The following ATP2A3 variants were observed in gnomAD, a reference collection of about 807,000 sequenced individuals.
ATP2A3 encodes the protein ATPase sarcoplasmic/endoplasmic reticulum Ca2+ transporting 3, also known as sarcoplasmic/endoplasmic reticulum calcium ATPase 3.
A neutral mutation model predicts 106.8 loss-of-function variants in ATP2A3; 61 were observed. The ratio of observed to expected loss-of-function variants is 0.57; its 90% confidence interval spans 0.46 to 0.71. The LOEUF (loss-of-function observed/expected upper bound fraction) is 0.71. Ranked by LOEUF, ATP2A3 falls within the 30% of genes least tolerant of loss-of-function variation. ATP2A3 has a pLI of 0.00. For missense variants in ATP2A3, 1,201 were observed against 1,423.5 expected (o/e 0.84, Z 2.52); for synonymous variants, 611 against 609.3 (o/e 1.00, Z -0.04).
At chr17:3,954,709 G>A (rs567507220) in intron 1 of ATP2A3, among the ~76,000 whole-genome samples, 16 of 151,968 alleles carry the variant, frequency 1.1e-4, no homozygotes, top group South Asian at 2.1e-4. Context: ...GTTGGCCAGG[G>A]TGGTCTCGAA....
chr17:3,939,786 TAAAAAAAAAAAAA>T lies in ATP2A3; in HGVS notation c.2100+1172_2100+1184del, dbSNP rs71381543. Among the ~76,000 whole-genome samples the T allele has an allele frequency of 9.9e-5, 5 of 50,492 alleles. No homozygotes were observed. The Admixed American group carries it at 1.5e-3, about 15-fold the overall frequency. The allele number at this position is 50,492 out of a possible 152,430, so 33.1% of individuals were successfully genotyped here. ...CTGGGTGACAGAGCGAGACTCTGTCTAAAAAAAAAAAAAAAAAAAAAAAAAAGCAATAATCTGA... is the reference window on the plus strand; with the variant it reads ...CTGGGTGACAGAGCGAGACTCTGTCTAAAAAAAAAAAAAGCAATAATCTGA... On this transcript the variant is annotated intron_variant, in intron 14 of 20. Coordinates refer to ENST00000397041, the MANE Select transcript of ATP2A3 (RefSeq NM_005173.4).
intron 3 of ATP2A3, among the ~76,000 whole-genome samples, chr17:3,952,141 G>C (rs1432742604): frequency 6.6e-6 from 1 of 152,230 alleles, no homozygotes; most frequent in Non-Finnish European, 1.5e-5. Flanking sequence ...CTGGAGTGCG[G>C]TGGCTGGATC....
intron 14 of ATP2A3, 146 bp from the exon 15 acceptor site, chr17:3,937,782 A>C: frequency 1.1e-6 from 1 of 869,584 alleles, no homozygotes; most frequent in Non-Finnish European, 1.8e-6. Flanking sequence ...TCAAGAATGA[A>C]CTAGAAATTG....
At position 3,928,528 on chromosome 17, in the gene ATP2A3, C is replaced by A; in HGVS notation, c.2980+135G>T. The A allele has an allele frequency of 1.0e-6, 1 of 988,610 alleles. No individual in the cohort carries two copies. Among genetic ancestry groups the A allele is most frequent in the Non-Finnish European group, 1.5e-6 (1 of 645,646 alleles). 61.2% of individuals were successfully genotyped at this position (988,610 alleles called of 1,614,324 possible). A position where few individuals can be genotyped will look rare whatever the true frequency, so the allele number is the denominator to read the frequency against. On this transcript the variant is annotated intron_variant, in intron 20 of 20. Transcript: ENST00000397041. This position sits in a 1 kb window ranked among gnomAD's most constrained non-coding sequence, Gnocchi z 6.1. ...CACCAGAGCCCCTTCACACCCTCCA[C>A]TTGGTGATCCGAGAACGCCTCCCCG...
intron 14 of ATP2A3, among the ~76,000 whole-genome samples, chr17:3,939,291 CA>C (rs1445101551): frequency 6.6e-5 from 10 of 152,094 alleles, no homozygotes; most frequent in South Asian, 4.2e-4. Flanking sequence ...GTGTGCAGAT[CA>C]AGGCTGGGCC....
At chr17:3,951,552 C>T (rs534147116) in intron 4 of ATP2A3, 29 bp downstream of exon 4, 278 of 1,365,876 alleles carry the variant, frequency 2.0e-4, no homozygotes, top group Non-Finnish European at 2.7e-4. Context: ...GACCGCCCCC[C>T]GCCCGGTCCC....
chr17:3,944,880 CTA>C lies in ATP2A3; in HGVS notation c.1185-76_1185-75del, dbSNP rs1323464296. 4 of 893,442 alleles carry C rather than the reference CTA, an allele frequency of 4.5e-6. No homozygotes were observed. In the African/African-American group the frequency reaches 6.1e-5, roughly 14 times the overall value. The allele number at this position is 893,442 out of a possible 1,614,324, so 55.3% of individuals were successfully genotyped here. On this transcript the variant is annotated intron_variant, in intron 9 of 20. Coordinates refer to ENST00000397041, the MANE Select transcript of ATP2A3 (RefSeq NM_005173.4). ...AGGGGTCCGCCTCTTGGCCCCGCCC[CTA>C]GGAGGGGGCTCCGCCTCTTGGCCCC...
rs994716184 is a variant in ATP2A3, at chr17:3,955,023, G to A, written c.119-1313C>T. On this transcript the variant is annotated intron_variant, in intron 1 of 20. Coordinates refer to ENST00000397041, the MANE Select transcript of ATP2A3 (RefSeq NM_005173.4). The surrounding 1 kb of genome is among the most constrained non-coding windows in gnomAD (Gnocchi z 4.2). ...GTCTGTGTGGGGATGAGAGGGGCGGGAGCCAGGCTCTGCAGGGTGGGCTTG... is the reference window on the plus strand; with the variant it reads ...GTCTGTGTGGGGATGAGAGGGGCGGAAGCCAGGCTCTGCAGGGTGGGCTTG... Among the ~76,000 whole-genome samples the A allele has an allele frequency of 6.6e-6, 1 of 152,160 alleles. No individual in the cohort carries two copies. Among genetic ancestry groups the A allele is most frequent in the African/African-American group, 2.4e-5 (1 of 41,436 alleles).
rs539419043 is a variant in ATP2A3 at position 3,937,341 on chromosome 17, G to A, written c.2321+75C>T. 112 of 1,508,722 alleles carry A rather than the reference G, an allele frequency of 7.4e-5. 1 individual carries two copies. In the Admixed American group the frequency reaches 1.2e-3, roughly 16 times the overall value. The allele number at this position is 1,508,722 out of a possible 1,614,324, so 93.5% of individuals were successfully genotyped here. ...CCCTCCATCCCTGCAGCGCATCCGAGGAACAGGCGTTTTCCCCATCTCAGG... is the reference window on the plus strand; with the variant it reads ...CCCTCCATCCCTGCAGCGCATCCGAAGAACAGGCGTTTTCCCCATCTCAGG... On this transcript the variant is annotated intron_variant, in intron 15 of 20. Transcript: ENST00000397041.
intron 12 of ATP2A3, 117 bp downstream of exon 12, chr17:3,942,489 G>A: frequency 6.9e-7 from 1 of 1,443,798 alleles, no homozygotes. Flanking sequence ...AGGGGCTCCT[G>A]AGAACTTGTA....
Position 3,930,639 on chromosome 17 carries a change from AG to A in ATP2A3, c.2611-206del. On this transcript the variant is annotated intron_variant, in intron 17 of 20. Coordinates refer to ENST00000397041, the MANE Select transcript of ATP2A3 (RefSeq NM_005173.4). The surrounding 1 kb of genome is among the most constrained non-coding windows in gnomAD (Gnocchi z 5.4). ...AGCTGCACCGTGCCAGGGAGAAGCA[AG>A]GGCACAGCGTGGGAAAGGCAGACGT... The A allele has an allele frequency of 1.4e-6, 1 of 696,442 alleles. No homozygotes were observed. Among genetic ancestry groups the A allele is most frequent in the Non-Finnish European group, 2.4e-6 (1 of 410,898 alleles). 43.1% of individuals were successfully genotyped at this position (696,442 alleles called of 1,614,324 possible).
Position 3,951,186 on chromosome 17 carries a change from A to G in ATP2A3, c.463+65T>C, listed in dbSNP as rs922299403. 6 of 1,180,818 alleles carry G rather than the reference A, an allele frequency of 5.1e-6. No individual in the cohort carries two copies. The African/African-American group carries it at 8.1e-5, about 16-fold the overall frequency. 73.1% of individuals were successfully genotyped at this position (1,180,818 alleles called of 1,614,324 possible). ...CGACTCCATCTCAAAAAATAAATAAATAAATAAATAAAATAAATAAATAAA... is the reference window on the plus strand; with the variant it reads ...CGACTCCATCTCAAAAAATAAATAAGTAAATAAATAAAATAAATAAATAAA... On this transcript the variant is annotated intron_variant, in intron 5 of 20. Coordinates refer to ENST00000397041, the MANE Select transcript of ATP2A3 (RefSeq NM_005173.4).
chr17:3,937,220 A>AG, intron 15 of ATP2A3, 196 bp downstream of exon 15: 1 of 669,268 alleles, frequency 1.5e-6, no homozygotes, highest in South Asian at 1.8e-5. Flanking sequence ...CATGATCCAT[A>AG]GGTCACCAGG....
At position 3,928,110 on chromosome 17, in the gene ATP2A3, C is replaced by G. The variant is rs1319406252; in HGVS notation, c.2980+553G>C. 2 of 1,606,054 alleles carry G rather than the reference C, an allele frequency of 1.2e-6. No homozygotes were observed. The highest frequency in any genetic ancestry group is 1.3e-5 in the African/African-American group (1 of 74,884). On this transcript the variant is annotated intron_variant, in intron 20 of 20. Transcript: ENST00000397041. This position sits in a 1 kb window ranked among gnomAD's most constrained non-coding sequence, Gnocchi z 6.1. The stretch of plus-strand genomic sequence containing the variant: ...CAGGTGGATGGACCCCATGTCCCAG[C>G]CCACTTCTCTCCAGCCCGACACCTG...
intron 11 of ATP2A3, among the ~76,000 whole-genome samples, chr17:3,943,020 G>C (rs1001069587): frequency 6.6e-6 from 1 of 152,144 alleles, no homozygotes; most frequent in African/African-American, 2.4e-5. Flanking sequence ...AGGAGCGGTG[G>C]CTCACGCCTG....
chr17:3,947,864 G>C lies in ATP2A3; in HGVS notation c.631-9C>G. ...GATGTGATATTGGTGCCCTGGCCAGGGGAGGGACAAGGAAAAAGCTGCTCA... is the reference window on the plus strand; with the variant it reads ...GATGTGATATTGGTGCCCTGGCCAGCGGAGGGACAAGGAAAAAGCTGCTCA... On this transcript the variant is annotated splice_polypyrimidine_tract_variant and intron_variant, in intron 7 of 20. Coordinates refer to ENST00000397041, the MANE Select transcript of ATP2A3 (RefSeq NM_005173.4). The surrounding 1 kb of genome is among the most constrained non-coding windows in gnomAD (Gnocchi z 7.7). 2 of 1,598,300 alleles carry C rather than the reference G, an allele frequency of 1.3e-6. No homozygotes were observed. Among genetic ancestry groups the C allele is most frequent in the Non-Finnish European group, 1.7e-6 (2 of 1,179,820 alleles).
At chr17:3,960,884 C>T (rs554829467) in intron 1 of ATP2A3, among the ~76,000 whole-genome samples, 2 of 152,326 alleles carry the variant, frequency 1.3e-5, no homozygotes, top group South Asian at 2.1e-4. Flanking sequence ...TTCACAAGCG[C>T]GTGACATGAT....
At chr17:3,940,064 T>TTTGA (rs2053675456) in intron 14 of ATP2A3, among the ~76,000 whole-genome samples, 1 of 138,560 alleles carries the variant, frequency 7.2e-6, no homozygotes. Context: ...TTTTTTTTTT[T>TTTGA]GGAGAGATGG....
rs1355465335 is a variant in ATP2A3 at position 3,947,611 on chromosome 17, G to A, written c.875C>T (p.Ala292Val). Residue 292 changes from alanine to valine, a missense_variant, in exon 8 of 21, where the codon GCT becomes GTT. Coordinates refer to ENST00000397041, the MANE Select transcript of ATP2A3 (RefSeq NM_005173.4). The surrounding 1 kb of genome is among the most constrained non-coding windows in gnomAD (Gnocchi z 7.7). ...CACGGCGATCTTGAAGTAGTAGACA[G>A]CGCCACGCAGCCAGGAGCCACCGTG... ...PAHGGSWLRG[A>V]VYYFKIAVAL... 1.2e-6 allele frequency: 2 copies of A among 1,612,404 alleles called. No individual in the cohort carries two copies. The highest frequency in any genetic ancestry group is 2.2e-5 in the East Asian group (1 of 44,884).
Sources: allele counts gnomAD v4.1 joint callset (sites outside exome capture counted in the v4.1 genomes callset), GRCh38; gene constraint gnomAD v4.1.1; non-coding constraint Gnocchi (gnomAD v3.1); transcripts MANE v1.5; gene names NCBI Gene and HGNC (gene_info 2026-07-23, HGNC 2026-07-21).